Variants in SH3TC2 observed in about 807,000 individuals in gnomAD.
SH3TC2 encodes the protein SH3 domain and tetratricopeptide repeats 2, also known as SH3 domain and tetratricopeptide repeat-containing protein 2.
In SH3TC2, 87 loss-of-function variants were observed where a neutral mutation model predicts 124.5. The observed-to-expected ratio is 0.70, with a 90% CI of 0.59 to 0.84. The LOEUF is 0.84. Among genes scored for constraint, SH3TC2 ranks in the 40% least tolerant of loss-of-function variants. The probability of loss-of-function intolerance (pLI) is 0.00; values close to 1 mark genes in which losing one functional copy is unlikely to be tolerated. For missense variants in SH3TC2, 1,536 were observed against 1,566.4 expected (o/e 0.98, Z 0.33); for synonymous variants, 634 against 628.5 (o/e 1.01, Z -0.13).
chr5:149,004,818 T>C lies in SH3TC2; in HGVS notation c.3760A>G (p.Arg1254Gly), dbSNP rs765921861. ...TGGCAGATGTTGTCCAGCCTGCTCC[T>C]AATGGTGTCCTGAAGCTCCTCATCA... ...LGDEELQDTI[R>G]SRLDNICQSP... The change falls in exon 17 of 17, where the codon AGG (arginine) becomes GGG (glycine). Residue 1254 changes from arginine (R) to glycine (G), a missense_variant. By Grantham distance (125) the Arg-to-Gly change is moderately radical. Around this residue, in one of 3 missense-constraint regions of SH3TC2, gnomAD observed 426 missense variants for 443.5 expected, o/e 0.96. Coordinates refer to ENST00000515425, the MANE Select transcript of SH3TC2 (RefSeq NM_024577.4). 8.1e-6 allele frequency: 13 copies of C among 1,614,168 alleles called. No individual in the cohort carries two copies. The highest frequency in any genetic ancestry group is 1.1e-5 in the Non-Finnish European group (13 of 1,180,028).
chr5:149,045,976 G>A (rs1273018487), intron 3 of SH3TC2: 71 of 430,842 alleles, frequency 1.6e-4, no homozygotes, highest in Non-Finnish European at 1.4e-5. Context: ...AAAAAAAGCA[G>A]GTCTGAATCA....
chr5:149,031,645 G>A lies in SH3TC2; in HGVS notation c.1044C>T (p.Ser348=), dbSNP rs1197587047. The change falls in exon 9 of 17, where the codon TCC becomes TCT. Residue 348 remains serine (S), a synonymous_variant. Transcript: ENST00000515425. ...SAFLSDEERC[S]LLALGSDKQT... ...GCTTATCACTTCCCAGGGCCAACAG[G>A]GAGCATCTCTCCTCATCACTGAGAA... 6.2e-7 allele frequency: 1 copy of A among 1,614,086 alleles called. No individual in the cohort carries two copies. Among genetic ancestry groups the A allele is most frequent in the Non-Finnish European group, 8.5e-7 (1 of 1,180,008 alleles).
chr5:149,039,867 T>C (rs1754339714), intron 7 of SH3TC2, among the ~76,000 whole-genome samples: 1 of 149,844 alleles, frequency 6.7e-6, no homozygotes, highest in Admixed American at 6.6e-5. Context: ...AGATCTGATG[T>C]CTGGGTTCCA....
Position 148,997,572 on chromosome 5 carries a change from T to C in SH3TC2, c.*7139A>G, listed in dbSNP as rs1753532284. On this transcript the variant is annotated 3_prime_UTR_variant, in exon 17 of 17. Transcript: ENST00000515425. ...ATTCAATTACACCAGAATGATTGTG[T>C]TGATTTCAGCCCAGTATTTCAGGCT... Among the ~76,000 whole-genome samples the C allele has an allele frequency of 6.6e-6, 1 of 152,334 alleles. No individual in the cohort carries two copies. The highest frequency in any genetic ancestry group is 1.9e-4 in the East Asian group (1 of 5,188).
Position 148,984,331 on chromosome 5 carries a change from T to G in SH3TC2, c.*20380A>C, listed in dbSNP as rs1315695518. Among the ~76,000 whole-genome samples the G allele has an allele frequency of 6.6e-6, 1 of 152,052 alleles. No homozygotes were observed. The highest frequency in any genetic ancestry group is 1.5e-5 in the Non-Finnish European group (1 of 68,018). ...TACTGTTGAAGCTTTCTATTGAATT[T>G]TTCAGTTTATTCATTATACATTATA... On this transcript the variant is annotated 3_prime_UTR_variant, in exon 17 of 17. Transcript: ENST00000515425.
chr5:149,026,515 C>T (rs1458051133), intron 12 of SH3TC2, 57 bp downstream of exon 12: 1 of 1,601,710 alleles, frequency 6.2e-7, no homozygotes. Context: ...GGAAAGAACA[C>T]TGTTTCTCCT....
intron 8 of SH3TC2, among the ~76,000 whole-genome samples, chr5:149,033,252 G>C (rs1754227668): frequency 6.6e-6 from 1 of 152,092 alleles, no homozygotes; most frequent in South Asian, 2.1e-4. Context: ...AGAATTTAGG[G>C]AAAGGCCAAG....
chr5:149,036,851 C>T (rs1754290807), intron 8 of SH3TC2, among the ~76,000 whole-genome samples: 1 of 152,204 alleles, frequency 6.6e-6, no homozygotes, highest in African/African-American at 2.4e-5. Context: ...GAATCTTTGA[C>T]TTCCTGTCCA....
At position 149,028,480 on chromosome 5, in the gene SH3TC2, G is replaced by C; in HGVS notation, c.1252C>G (p.Gln418Glu). The C allele has an allele frequency of 6.2e-7, 1 of 1,613,242 alleles. No homozygotes were observed. Among genetic ancestry groups the C allele is most frequent in the South Asian group, 1.1e-5 (1 of 91,020 alleles). ...WEEHQAVGSR[Q>E]SSSSEDSSLE... ...CTGGAGTCCTCAGAGCTGCTGGACT[G>C]TCTGGACCCCACGGCCTGATGCTCC... The change falls in exon 11 of 17, where the codon CAG becomes GAG. Residue 418 changes from glutamine to glutamate, a missense_variant. Gln to Glu is a conservative substitution (Grantham distance 29). Coordinates refer to ENST00000515425, the MANE Select transcript of SH3TC2 (RefSeq NM_024577.4).
chr5:149,040,760 G>T, intron 6 of SH3TC2, 83 bp from the exon 7 acceptor site: 2 of 1,133,046 alleles, frequency 1.8e-6, no homozygotes, highest in East Asian at 2.3e-5. Context: ...GAATAATGAT[G>T]ATGATGATGA....
intron 2 of SH3TC2, 116 bp downstream of exon 2, chr5:149,052,026 G>T: frequency 1.2e-6 from 1 of 802,104 alleles, no homozygotes; most frequent in Non-Finnish European, 2.2e-6. Context: ...AAATAGCATA[G>T]TCAAAATCTT....
chr5:149,023,388 G>T (rs187464584), intron 12 of SH3TC2, among the ~76,000 whole-genome samples: 1 of 151,904 alleles, frequency 6.6e-6, no homozygotes, highest in Non-Finnish European at 1.5e-5. Context: ...TAACTAAAAC[G>T]TGCATATTAT....
rs531875892 is a variant in SH3TC2 at position 149,000,732 on chromosome 5, C to G, written c.*3979G>C. On this transcript the variant is annotated 3_prime_UTR_variant, in exon 17 of 17. Coordinates refer to ENST00000515425, the MANE Select transcript of SH3TC2 (RefSeq NM_024577.4). ...CATTTGTGCAACTAAGTCCTTGAGTCATGAGACCCCCGCCTCAAGTACCAC... is the reference window on the plus strand; with the variant it reads ...CATTTGTGCAACTAAGTCCTTGAGTGATGAGACCCCCGCCTCAAGTACCAC... Among the ~76,000 whole-genome samples the G allele has an allele frequency of 6.6e-6, 1 of 152,188 alleles. No individual in the cohort carries two copies. The highest frequency in any genetic ancestry group is 2.4e-5 in the African/African-American group (1 of 41,440).
At position 149,004,521 on chromosome 5, in the gene SH3TC2, A is replaced by AT; in HGVS notation, c.*189dup. On this transcript the variant is annotated 3_prime_UTR_variant, in exon 17 of 17. Coordinates refer to ENST00000515425, the MANE Select transcript of SH3TC2 (RefSeq NM_024577.4). ...GCAAAGCCTGGAACCAGGAATTCTC[A>AT]TCGCTGCACCATCAAATCTTTCTGT... 1 of 633,744 alleles carries AT rather than the reference A, an allele frequency of 1.6e-6. No individual in the cohort carries two copies. 39.3% of individuals were successfully genotyped at this position (633,744 alleles called of 1,614,324 possible). A position where few individuals can be genotyped will look rare whatever the true frequency, so the allele number is the denominator to read the frequency against.
Position 148,999,224 on chromosome 5 carries a change from G to A in SH3TC2, c.*5487C>T, listed in dbSNP as rs1159469117. Among the ~76,000 whole-genome samples, 1 of 152,210 alleles carries A rather than the reference G, an allele frequency of 6.6e-6. No individual in the cohort carries two copies. The highest frequency in any genetic ancestry group is 1.5e-5 in the Non-Finnish European group (1 of 68,030). On this transcript the variant is annotated 3_prime_UTR_variant, in exon 17 of 17. Transcript: ENST00000515425. Reference sequence around the variant, plus strand: ...CCAGGGTGCCTGGCCACACCTCCAGGTTTGGCTGCACTTCTCAATGTCAAG... The same window carrying A: ...CCAGGGTGCCTGGCCACACCTCCAGATTTGGCTGCACTTCTCAATGTCAAG...
chr5:149,053,570 T>C (rs1208311114), intron 1 of SH3TC2, among the ~76,000 whole-genome samples: 1 of 152,236 alleles, frequency 6.6e-6, no homozygotes, highest in African/African-American at 2.4e-5. Flanking sequence ...ATTTTTCAGT[T>C]CTGCCCCGAG....
At chr5:149,057,493 T>G (rs574963175) in intron 1 of SH3TC2, 1 of 152,286 alleles carries the variant, frequency 6.6e-6, no homozygotes, top group South Asian at 2.1e-4. Context: ...CCCTGGTGAT[T>G]TGCTGCACAG....
rs1475136557 is a variant in SH3TC2, at chr5:148,984,354, A to G, written c.*20357T>C. Among the ~76,000 whole-genome samples, 1 of 152,016 alleles carries G rather than the reference A, an allele frequency of 6.6e-6. No individual in the cohort carries two copies. Among genetic ancestry groups the G allele is most frequent in the Non-Finnish European group, 1.5e-5 (1 of 68,014 alleles). On this transcript the variant is annotated 3_prime_UTR_variant, in exon 17 of 17. Transcript: ENST00000515425. ...TTTTTCAGTTTATTCATTATACATT[A>G]TAAATATATACAATTATTATTTATC...
chr5:149,007,753 A>C (rs182473318), intron 15 of SH3TC2: 1 of 153,614 alleles, frequency 6.5e-6, no homozygotes, highest in East Asian at 1.9e-4. Flanking sequence ...ACAAAGGCTT[A>C]CAATCATGTC....
Sources: gnomAD v4.1 joint callset for allele counts (sites outside exome capture counted in the v4.1 genomes callset) on GRCh38, gnomAD v4.1.1 for gene constraint, gnomAD v4.1.1 regional missense constraint, MANE v1.5 for transcripts, NCBI Gene and HGNC (gene_info 2026-07-23, HGNC 2026-07-21) for gene names.